The following LARP1 variants were observed in gnomAD, a reference collection of about 807,000 sequenced individuals.
LARP1 encodes la-related protein 1.
LARP1 carries 36 observed loss-of-function variants against 122.7 expected under a neutral mutation model. The observed-to-expected ratio is 0.29, with a 90% CI of 0.22 to 0.39. The LOEUF (loss-of-function observed/expected upper bound fraction) is 0.39. LARP1 is among the 10% of genes least tolerant of loss of function. LARP1 has a pLI of 1.00. For missense variants in LARP1, 1,040 were observed against 1,403.6 expected (o/e 0.74, Z 4.14); for synonymous variants, 539 against 528.7 (o/e 1.02, Z -0.27).
intron 1 of LARP1, among the ~76,000 whole-genome samples, chr5:154,748,981 C>T (rs188293872): frequency 3.3e-5 from 5 of 152,312 alleles, no homozygotes; most frequent in Admixed American, 2.6e-4. Flanking sequence ...GTATCTGGTG[C>T]ATTGCAGATG....
intron 1 of LARP1, among the ~76,000 whole-genome samples, chr5:154,690,584 C>T (rs1046220670): frequency 6.6e-6 from 1 of 152,218 alleles, no homozygotes. Flanking sequence ...TCGGTCCGCC[C>T]GGCCCCAGAG....
chr5:154,799,500 A>C, intron 8 of LARP1, 91 bp from the exon 9 acceptor site: 1 of 1,380,992 alleles, frequency 7.2e-7, no homozygotes, highest in Non-Finnish European at 1.0e-6. Flanking sequence ...GACTCATACC[A>C]AGCTCAGGGG....
In LARP1 at chr5:154,756,067, G is replaced by C; in HGVS notation, c.310G>C (p.Gly104Arg). Residue 104 changes from glycine (G) to arginine (R), a missense_variant, in exon 1 of 19, where the codon GGA becomes CGA. By Grantham distance (125) the Gly-to-Arg change is moderately radical. Coordinates refer to ENST00000518297, the MANE Select transcript of LARP1 (RefSeq NM_033551.3). ...CGGCGGCGAGCCAGGCGCTGGCGGA[G>C]GAGCTGCCGGAGCCGCGGGCGCGGG... Reference protein sequence around the residue: ...EGGGEPGAGGGAAGAAGAGRR... With the variant: ...EGGGEPGAGGRAAGAAGAGRR... The C allele has an allele frequency of 8.9e-7, 1 of 1,124,748 alleles. No individual in the cohort carries two copies. The allele number at this position is 1,124,748 out of a possible 1,614,324, so 69.7% of individuals were successfully genotyped here.
chr5:154,751,012 T>C (rs760063535), upstream of LARP1, among the ~76,000 whole-genome samples: 4 of 152,180 alleles, frequency 2.6e-5, no homozygotes, highest in African/African-American at 4.8e-5. Context: ...TTTTGGCCTC[T>C]CTTTTTTTTT....
intron 1 of LARP1, among the ~76,000 whole-genome samples, chr5:154,731,843 C>T (rs1756585871): frequency 6.6e-6 from 1 of 151,930 alleles, no homozygotes; most frequent in Non-Finnish European, 1.5e-5. Flanking sequence ...TCCTGGCCAA[C>T]ATGGTGAAAC....
intron 1 of LARP1, among the ~76,000 whole-genome samples, chr5:154,688,608 C>T (rs1156797105): frequency 7.0e-6 from 1 of 142,694 alleles, no homozygotes; most frequent in Non-Finnish European, 1.5e-5. Context: ...GAGCCAAGAT[C>T]ACACCCCTGC....
At chr5:154,705,834 G>T (rs188063257) in intron 1 of LARP1, 1 of 152,328 alleles carries the variant, frequency 6.6e-6, no homozygotes, top group East Asian at 1.9e-4. Context: ...GTGGAAAGCA[G>T]TTTGGGGATT....
chr5:154,720,063 T>G (rs1755765642), intron 1 of LARP1, among the ~76,000 whole-genome samples: 1 of 152,038 alleles, frequency 6.6e-6, no homozygotes, highest in Non-Finnish European at 1.5e-5. Flanking sequence ...TGATGGCATG[T>G]GCCTGTAGTC....
At chr5:154,786,094 G>C (rs1174988319) in intron 1 of LARP1, among the ~76,000 whole-genome samples, 1 of 152,034 alleles carries the variant, frequency 6.6e-6, no homozygotes. Flanking sequence ...CCAAGCTGGA[G>C]TGCAGTGGCG....
rs757859032 is a variant in LARP1 at position 154,801,991 on chromosome 5, G to A, written c.1717-16G>A. On this transcript the variant is annotated splice_polypyrimidine_tract_variant and intron_variant, in intron 10 of 18. Coordinates refer to ENST00000518297, the MANE Select transcript of LARP1 (RefSeq NM_033551.3). Reference sequence around the variant, plus strand: ...TCTCTGGTGATTCCTTTTCCCCTTCGTCTGTCCTATTTTAGAAGTCAGAGG... The same window carrying A: ...TCTCTGGTGATTCCTTTTCCCCTTCATCTGTCCTATTTTAGAAGTCAGAGG... 1.2e-5 allele frequency: 19 copies of A among 1,591,998 alleles called. No homozygotes were observed. Among genetic ancestry groups the A allele is most frequent in the Non-Finnish European group, 1.4e-5 (16 of 1,168,940 alleles).
chr5:154,805,735 A>G (rs985079435), intron 14 of LARP1, 146 bp from the exon 15 acceptor site: 4 of 767,010 alleles, frequency 5.2e-6, no homozygotes, highest in African/African-American at 3.5e-5. Context: ...CATGGATATA[A>G]GTTAAAGGTC....
At chr5:154,771,624 A>AT (rs1410157241) in intron 1 of LARP1, among the ~76,000 whole-genome samples, 2 of 152,174 alleles carry the variant, frequency 1.3e-5, no homozygotes, top group Admixed American at 1.3e-4. Flanking sequence ...TGAGCTGCTG[A>AT]TATCTGTATA....
intron 1 of LARP1, among the ~76,000 whole-genome samples, chr5:154,693,013 CA>C (rs1264928058): frequency 6.0e-5 from 8 of 133,610 alleles, no homozygotes; most frequent in Non-Finnish European, 1.2e-4. Context: ...TTTGTAGAGA[CA>C]AAGTCTCATT....
chr5:154,763,793 C>G (rs1337884873), intron 1 of LARP1, among the ~76,000 whole-genome samples: 1 of 151,572 alleles, frequency 6.6e-6, no homozygotes, highest in Admixed American at 6.6e-5. Context: ...ATTGCTTGAG[C>G]CTGGAAGTTT....
upstream of LARP1, among the ~76,000 whole-genome samples, chr5:154,754,619 G>C (rs541484790): frequency 1.3e-5 from 2 of 152,258 alleles, no homozygotes; most frequent in Non-Finnish European, 2.9e-5. Context: ...GAGGGCTTTA[G>C]TAATTCCGTT....
At chr5:154,772,301 C>T (rs567943212) in intron 1 of LARP1, among the ~76,000 whole-genome samples, 63 of 152,334 alleles carry the variant, frequency 4.1e-4, no homozygotes, top group African/African-American at 1.5e-3. Context: ...ATGTCTTTCA[C>T]ACTTCTTGAT....
At chr5:154,713,192 T>C in intron 1 of LARP1, 1 of 1,434,596 alleles carries the variant, frequency 7.0e-7, no homozygotes, top group Non-Finnish European at 9.6e-7. Flanking sequence ...AGGAAGATCC[T>C]TCTCCCTAGG....
At chr5:154,798,960 G>T (rs1758112602) in intron 8 of LARP1, among the ~76,000 whole-genome samples, 1 of 152,214 alleles carries the variant, frequency 6.6e-6, no homozygotes, top group African/African-American at 2.4e-5. Context: ...CACCTCCTGG[G>T]TTCAAGCGAT....
At chr5:154,748,998 A>G (rs1001099916) in intron 1 of LARP1, among the ~76,000 whole-genome samples, 4 of 152,220 alleles carry the variant, frequency 2.6e-5, no homozygotes, top group African/African-American at 9.6e-5. Context: ...GATGCTCAAT[A>G]CATATTTACT....
Sources: gnomAD v4.1 joint callset for allele counts (sites outside exome capture counted in the v4.1 genomes callset) on GRCh38, gnomAD v4.1.1 for gene constraint, MANE v1.5 for transcripts, NCBI Gene and HGNC (gene_info 2026-07-23, HGNC 2026-07-21) for gene names.